Variants in SDCCAG8 observed in about 807,000 individuals in gnomAD.
The protein encoded by SDCCAG8 is SHH signaling and ciliogenesis regulator SDCCAG8.
In SDCCAG8, 74 loss-of-function variants were observed where a neutral mutation model predicts 101.8. The ratio of observed to expected loss-of-function variants is 0.73; its 90% CI spans 0.60 to 0.88. SDCCAG8 has a LOEUF of 0.88. Among genes scored for constraint, SDCCAG8 ranks in the 40% least tolerant of loss-of-function variants. The pLI, the probability that SDCCAG8 is intolerant of heterozygous loss-of-function variation, is 0.00. For missense variants in SDCCAG8, 787 were observed against 822.6 expected, an observed-to-expected ratio of 0.96 and a Z score of 0.53; for synonymous variants, 281 against 292.9, an observed-to-expected ratio of 0.96 and a Z score of 0.41.
chr1:243,309,556 A>C (rs956416930), intron 8 of SDCCAG8, among the ~76,000 whole-genome samples: 1 of 152,152 alleles, frequency 6.6e-6, no homozygotes, highest in African/African-American at 2.4e-5. Flanking sequence ...CAAGGCTGGA[A>C]TGTAATGGCA....
intron 13 of SDCCAG8, among the ~76,000 whole-genome samples, chr1:243,396,459 T>A (rs542420442): frequency 6.6e-6 from 1 of 152,208 alleles, no homozygotes; most frequent in Non-Finnish European, 1.5e-5. Flanking sequence ...AAAGCAGTAA[T>A]GGAGCTGTGT....
chr1:243,392,819 C>T (rs978091061), intron 13 of SDCCAG8, among the ~76,000 whole-genome samples: 1 of 152,150 alleles, frequency 6.6e-6, no homozygotes, highest in Non-Finnish European at 1.5e-5. Flanking sequence ...GTGATTCAGT[C>T]AACATTTATT....
At chr1:243,326,083 G>A (rs1278732078) in intron 9 of SDCCAG8, among the ~76,000 whole-genome samples, 1 of 151,928 alleles carries the variant, frequency 6.6e-6, no homozygotes, top group Non-Finnish European at 1.5e-5. Context: ...GTTACCATAA[G>A]CATATCTGTA....
At chr1:243,300,010 G>A (rs1288146806) in intron 6 of SDCCAG8, among the ~76,000 whole-genome samples, 6 of 151,552 alleles carry the variant, frequency 4.0e-5, no homozygotes, top group Middle Eastern at 3.4e-3. Flanking sequence ...TAATATAGGC[G>A]CATGCCACCA....
intron 17 of SDCCAG8, among the ~76,000 whole-genome samples, chr1:243,497,506 C>T (rs917088585): frequency 2.6e-5 from 4 of 152,000 alleles, no homozygotes; most frequent in African/African-American, 9.7e-5. Context: ...CTGGTGAGGC[C>T]CGTACATCTG....
At chr1:243,466,030 A>G (rs1169631019) in intron 16 of SDCCAG8, among the ~76,000 whole-genome samples, 2 of 152,168 alleles carry the variant, frequency 1.3e-5, no homozygotes, top group Admixed American at 6.5e-5. Context: ...TACCTATTCA[A>G]TTCATCTGAG....
At chr1:243,279,240 G>T (rs2068823741) in intron 4 of SDCCAG8, among the ~76,000 whole-genome samples, 2 of 152,158 alleles carry the variant, frequency 1.3e-5, no homozygotes, top group African/African-American at 4.8e-5. Flanking sequence ...TAGGTTATTT[G>T]TAGATGTTCT....
rs2069198530 is a variant in SDCCAG8 at position 243,282,985 on chromosome 1, T to TA, written c.421-3286dup. 5.3e-5 allele frequency among the ~76,000 whole-genome samples: 8 copies of TA among 152,062 alleles called. No individual in the cohort carries two copies. The South Asian group carries it at 1.7e-3, about 32-fold the overall frequency. On this transcript the variant is annotated intron_variant, in intron 4 of 17. Coordinates refer to ENST00000366541, the MANE Select transcript of SDCCAG8 (RefSeq NM_006642.5). ...CCTCAGCCTCCCGAGTAGCTGGGAT[T>TA]ACAGGTGCCTGCCACCACACCTGGC... is the stretch of plus-strand genomic sequence containing the variant.
intron 1 of SDCCAG8, 76 bp from the exon 2 acceptor site, chr1:243,270,029 A>G: frequency 6.2e-7 from 1 of 1,603,476 alleles, no homozygotes. Context: ...ACCTTTAAAA[A>G]CTGCCTTCCT....
chr1:243,340,993 T>G (rs1464445026), intron 10 of SDCCAG8, 46 bp from the exon 11 acceptor site: 1 of 1,585,510 alleles, frequency 6.3e-7, no homozygotes, highest in South Asian at 1.1e-5. Flanking sequence ...TAGTATTTGA[T>G]TTGTCAAATG....
intron 12 of SDCCAG8, among the ~76,000 whole-genome samples, chr1:243,354,058 G>A (rs2076252468): frequency 6.6e-6 from 1 of 152,118 alleles, no homozygotes; most frequent in African/African-American, 2.4e-5. Flanking sequence ...CTTTACTTAA[G>A]GACCATGAGT....
chr1:243,442,902 A>G (rs577716128), intron 16 of SDCCAG8, among the ~76,000 whole-genome samples: 116 of 152,384 alleles, frequency 7.6e-4, no homozygotes, highest in African/African-American at 2.7e-3. Context: ...CCAGCAAAAT[A>G]GTCCATTAAA....
At chr1:243,298,399 C>T (rs540627311) in intron 6 of SDCCAG8, among the ~76,000 whole-genome samples, 2 of 137,322 alleles carry the variant, frequency 1.5e-5, no homozygotes, top group South Asian at 4.5e-4. Context: ...CTTTTTTTGC[C>T]CAGGCTAGAG....
In SDCCAG8 at chr1:243,270,099, TTGCAGAACA is replaced by T; in HGVS notation, c.68-2_74del. Reference sequence around the variant, plus strand: ...GGTCCTAACTTTCGTCAGGTTGTTCTTGCAGAACATGCCAGCAGAAGCATTCACCAACTG... The same window carrying T: ...GGTCCTAACTTTCGTCAGGTTGTTCTTGCCAGCAGAAGCATTCACCAACTG... On this transcript the variant is annotated splice_acceptor_variant and splice_polypyrimidine_tract_variant and coding_sequence_variant and intron_variant, in exon 2 of 18. Transcript: ENST00000366541. LOFTEE classifies it high-confidence loss of function. 1 of 1,614,220 alleles carries T rather than the reference TTGCAGAACA, an allele frequency of 6.2e-7. No individual in the cohort carries two copies. Among genetic ancestry groups the T allele is most frequent in the Non-Finnish European group, 8.5e-7 (1 of 1,180,030 alleles).
chr1:243,493,728 T>C (rs1319124902), intron 17 of SDCCAG8, among the ~76,000 whole-genome samples: 1 of 152,142 alleles, frequency 6.6e-6, no homozygotes, highest in South Asian at 2.1e-4. Flanking sequence ...GATTTAAACT[T>C]GTGCATGGAT....
At chr1:243,495,277 G>C (rs959598188) in intron 17 of SDCCAG8, among the ~76,000 whole-genome samples, 1 of 152,208 alleles carries the variant, frequency 6.6e-6, no homozygotes, top group Non-Finnish European at 1.5e-5. Context: ...AGTCCAGCTC[G>C]AGATGCTGTC....
chr1:243,414,845 A>G (rs922468468), intron 13 of SDCCAG8, among the ~76,000 whole-genome samples: 23 of 148,976 alleles, frequency 1.5e-4, no homozygotes, highest in South Asian at 2.2e-4. Context: ...CCATTCTAAT[A>G]TGTGTGTGTG....
intron 12 of SDCCAG8, among the ~76,000 whole-genome samples, chr1:243,363,174 A>G (rs1466656): frequency 2.0e-5 from 3 of 152,078 alleles, no homozygotes; most frequent in African/African-American, 4.8e-5. Flanking sequence ...TTGTAATTTG[A>G]TATTTGCTGT....
intron 12 of SDCCAG8, among the ~76,000 whole-genome samples, chr1:243,373,545 T>C (rs2077424761): frequency 1.3e-5 from 2 of 152,084 alleles, no homozygotes; most frequent in South Asian, 2.1e-4. Flanking sequence ...TGGGCCATGG[T>C]TGGGGTTTGG....
Sources: gnomAD v4.1 joint callset for allele counts (sites outside exome capture counted in the v4.1 genomes callset) on GRCh38, gnomAD v4.1.1 for gene constraint, MANE v1.5 for transcripts, NCBI Gene and HGNC (gene_info 2026-07-23, HGNC 2026-07-21) for gene names.